Variants in CHCHD6 observed in about 807,000 individuals in gnomAD.
The protein encoded by CHCHD6 is MICOS complex subunit MIC25.
CHCHD6 carries 28 observed loss-of-function variants against 32.3 expected under a neutral mutation model. The ratio of observed to expected loss-of-function variants is 0.87; its 90% CI spans 0.64 to 1.19. The LOEUF (loss-of-function observed/expected upper bound fraction) is 1.19, where lower values mean the gene tolerates loss of function less well. CHCHD6 is among the 50% of genes most tolerant of loss of function. The pLI, the probability that CHCHD6 is intolerant of heterozygous loss-of-function variation, is 0.00. For missense variants in CHCHD6, 333 were observed against 307.0 expected (o/e 1.08, Z -0.63); for synonymous variants, 122 against 117.5 (o/e 1.04, Z -0.25).
intron 5 of CHCHD6, among the ~76,000 whole-genome samples, chr3:126,871,286 A>G (rs1327693859): frequency 6.6e-6 from 1 of 152,122 alleles, no homozygotes; most frequent in Non-Finnish European, 1.5e-5. Flanking sequence ...TTGGTCCTTA[A>G]CATTTTCCAA....
intron 1 of CHCHD6, among the ~76,000 whole-genome samples, chr3:126,705,185 C>T (rs1393132071): frequency 1.3e-5 from 2 of 152,098 alleles, no homozygotes; most frequent in Non-Finnish European, 1.5e-5. Context: ...CCTTCCCTGA[C>T]CACCCAATCT....
intron 6 of CHCHD6, among the ~76,000 whole-genome samples, chr3:126,936,702 T>C (rs1378848390): frequency 6.6e-6 from 1 of 152,124 alleles, no homozygotes; most frequent in Non-Finnish European, 1.5e-5. Flanking sequence ...TTTACAGGCA[T>C]GCACCACCAC....
intron 4 of CHCHD6, among the ~76,000 whole-genome samples, chr3:126,763,356 G>A (rs901778462): frequency 2.4e-5 from 3 of 127,074 alleles, no homozygotes; most frequent in Admixed American, 2.1e-4. Flanking sequence ...CAACAAGGTT[G>A]TGCTCTGTTG....
intron 4 of CHCHD6, among the ~76,000 whole-genome samples, chr3:126,836,175 C>T (rs973028222): frequency 6.6e-6 from 1 of 152,252 alleles, no homozygotes; most frequent in African/African-American, 2.4e-5. Context: ...CAAGGCCCTG[C>T]GCCGTTAGGC....
chr3:126,770,407 C>T (rs1346533341), intron 4 of CHCHD6, among the ~76,000 whole-genome samples: 2 of 152,138 alleles, frequency 1.3e-5, no homozygotes, highest in African/African-American at 2.4e-5. Flanking sequence ...TGTGTTGTGC[C>T]AGTTTTCAAG....
In CHCHD6 at chr3:126,957,496, T is replaced by G; in HGVS notation, c.647T>G (p.Leu216Arg). The G allele has an allele frequency of 1.2e-6, 2 of 1,600,206 alleles. No individual in the cohort carries two copies. Among genetic ancestry groups the G allele is most frequent in the Non-Finnish European group, 1.7e-6 (2 of 1,173,628 alleles). ...HCYRDRPHEV[L>R]LCSDLVKAYQ... ...TACCGAGATCGCCCGCATGAGGTGC[T>G]GCTGTGCTCGGACCTGGTCAAGGCA... Residue 216 changes from leucine (L) to arginine (R), a missense_variant, in exon 7 of 8, where the codon CTG (leucine) becomes CGG (arginine). Leu to Arg is a moderately radical substitution (Grantham distance 102). Coordinates refer to ENST00000290913, the MANE Select transcript of CHCHD6 (RefSeq NM_032343.3).
At chr3:126,912,652 AG>A in intron 5 of CHCHD6, among the ~76,000 whole-genome samples, 1 of 152,314 alleles carries the variant, frequency 6.6e-6, no homozygotes, top group African/African-American at 2.4e-5. Flanking sequence ...GGTGGCCCCC[AG>A]GCCTCCCTGA....
intron 4 of CHCHD6, among the ~76,000 whole-genome samples, chr3:126,765,039 G>A (rs756271921): frequency 6.6e-6 from 1 of 152,152 alleles, no homozygotes; most frequent in Non-Finnish European, 1.5e-5. Flanking sequence ...AGTGACTGGG[G>A]TGGAAAATAG....
At chr3:126,713,719 G>A (rs2107650870) in intron 1 of CHCHD6, among the ~76,000 whole-genome samples, 1 of 152,276 alleles carries the variant, frequency 6.6e-6, no homozygotes, top group East Asian at 1.9e-4. Flanking sequence ...CAGCACCTAA[G>A]CCAGAGCTTG....
chr3:126,815,945 G>A (rs905399015), intron 4 of CHCHD6, among the ~76,000 whole-genome samples: 1 of 152,258 alleles, frequency 6.6e-6, no homozygotes, highest in South Asian at 2.1e-4. Context: ...TCTGTGCTTT[G>A]TTTAGAATGG....
intron 4 of CHCHD6, among the ~76,000 whole-genome samples, chr3:126,785,205 T>G (rs1441925534): frequency 2.0e-5 from 3 of 152,120 alleles, no homozygotes; most frequent in Non-Finnish European, 4.4e-5. Flanking sequence ...TATAGAAAGT[T>G]TAGCAGAATC....
chr3:126,897,387 T>C (rs1408682223), intron 5 of CHCHD6, among the ~76,000 whole-genome samples: 1 of 152,246 alleles, frequency 6.6e-6, no homozygotes, highest in Non-Finnish European at 1.5e-5. Context: ...TGTGGGTTAA[T>C]GTGCTGGAGT....
intron 6 of CHCHD6, among the ~76,000 whole-genome samples, chr3:126,955,149 C>G (rs1366342660): frequency 2.6e-5 from 4 of 152,268 alleles, no homozygotes; most frequent in Non-Finnish European, 5.9e-5. Flanking sequence ...AAAAAGCCCA[C>G]AACTAGACAC....
intron 6 of CHCHD6, among the ~76,000 whole-genome samples, chr3:126,935,819 A>G (rs1195176755): frequency 6.6e-6 from 1 of 152,284 alleles, no homozygotes; most frequent in Non-Finnish European, 1.5e-5. Context: ...TATACAGCAT[A>G]GCAAATCTCT....
At chr3:126,924,466 C>T (rs375091488) in intron 6 of CHCHD6, among the ~76,000 whole-genome samples, 3 of 152,174 alleles carry the variant, frequency 2.0e-5, no homozygotes, top group Non-Finnish European at 2.9e-5. Context: ...ACAAACACAA[C>T]CACAAGGAAA....
At chr3:126,922,705 G>A (rs531924593) in intron 6 of CHCHD6, among the ~76,000 whole-genome samples, 30 of 151,638 alleles carry the variant, frequency 2.0e-4, no homozygotes, top group Non-Finnish European at 3.5e-4. Flanking sequence ...ATTGACTCCC[G>A]TGTGTATGTG....
chr3:126,926,913 A>T (rs916558105), intron 6 of CHCHD6, among the ~76,000 whole-genome samples: 5 of 152,248 alleles, frequency 3.3e-5, no homozygotes, highest in Admixed American at 1.3e-4. Context: ...CTGTTCTGGG[A>T]ATACGGTTGT....
intron 4 of CHCHD6, among the ~76,000 whole-genome samples, chr3:126,758,617 G>C (rs1270302392): frequency 6.6e-6 from 1 of 152,186 alleles, no homozygotes; most frequent in Admixed American, 6.5e-5. Flanking sequence ...TGTCTATTAA[G>C]CCAGTTATTT....
chr3:126,747,031 C>G (rs561461924), intron 4 of CHCHD6, among the ~76,000 whole-genome samples: 1 of 152,326 alleles, frequency 6.6e-6, no homozygotes, highest in East Asian at 1.9e-4. Context: ...TTGTCTGGCC[C>G]TGGGTTTTTT....
Sources: allele counts gnomAD v4.1 joint callset (sites outside exome capture counted in the v4.1 genomes callset), GRCh38; gene constraint gnomAD v4.1.1; transcripts MANE v1.5; gene names NCBI Gene and HGNC (gene_info 2026-07-23, HGNC 2026-07-21).